The following BRAF variants were observed in gnomAD, a reference collection of about 807,000 sequenced individuals.
BRAF encodes B-Raf proto-oncogene, serine/threonine kinase.
Under a neutral mutation model 104.6 loss-of-function variants are expected in BRAF, and 16 were observed. The observed-to-expected ratio is 0.15, with a 90% CI of 0.10 to 0.23. BRAF has a LOEUF of 0.23. BRAF is among the 10% of genes least tolerant of loss of function. The probability of loss-of-function intolerance (pLI) is 1.00; values close to 1 mark genes in which losing one functional copy is unlikely to be tolerated. For synonymous variants in BRAF, 310 were observed against 341.6 expected (o/e 0.91, Z 1.02); for missense variants, 541 against 937.3 (o/e 0.58, Z 5.52).
intron 11 of BRAF, 90 bp downstream of exon 10, chr7:140,782,931 G>T: frequency 1.4e-6 from 2 of 1,445,036 alleles, no homozygotes; most frequent in Non-Finnish European, 1.9e-6. Flanking sequence ...GTCACATATG[G>T]ACATAATATA....
At chr7:140,918,769 A>C (rs1490992661) in intron 1 of BRAF, among the ~76,000 whole-genome samples, 2 of 152,242 alleles carry the variant, frequency 1.3e-5, no homozygotes. Context: ...CCTATGTGCC[A>C]GGTACTATTA....
At chr7:140,869,530 G>A (rs903949907) in intron 1 of BRAF, among the ~76,000 whole-genome samples, 2 of 152,044 alleles carry the variant, frequency 1.3e-5, no homozygotes, top group African/African-American at 4.8e-5. Context: ...CTACTCAGGA[G>A]GCTGAGGCAT....
At chr7:140,870,162 A>G (rs559530913) in intron 1 of BRAF, among the ~76,000 whole-genome samples, 33 of 152,318 alleles carry the variant, frequency 2.2e-4, no homozygotes, top group Admixed American at 5.2e-4. Context: ...CCAGATGCAG[A>G]GCACTTAGAT....
At chr7:140,922,256 C>T (rs1402386951) in intron 1 of BRAF, among the ~76,000 whole-genome samples, 1 of 152,188 alleles carries the variant, frequency 6.6e-6, no homozygotes, top group Admixed American at 6.5e-5. Context: ...TTTCCAATTA[C>T]TGGCAATTTA....
intron 17 of BRAF, chr7:140,740,287 AT>A (rs545469313): frequency 4.6e-4 from 95 of 207,862 alleles, no homozygotes; most frequent in African/African-American, 1.9e-3. Context: ...AAAAAAAAAA[AT>A]TTATTCAGCA....
At chr7:140,897,493 CTTTTTTTTTTTT>C (rs1177553423) in intron 1 of BRAF, among the ~76,000 whole-genome samples, 4 of 105,760 alleles carry the variant, frequency 3.8e-5, no homozygotes, top group African/African-American at 1.7e-4. Flanking sequence ...TTTCTTTTTT[CTTTTTTTTTTTT>C]TTTTTTTTTG....
chr7:140,719,359 T>C lies in BRAF; in HGVS notation c.*7135A>G, dbSNP rs1468705781. ...TTCTCCATGCAGTCAATCTTTATTATAGCAGTATTCGCATATTCACATCAA... is the reference window on the plus strand; with the variant it reads ...TTCTCCATGCAGTCAATCTTTATTACAGCAGTATTCGCATATTCACATCAA... On this transcript the variant is annotated 3_prime_UTR_variant, in exon 20 of 20. Transcript: ENST00000644969. 6.0e-6 allele frequency: 6 copies of C among 997,724 alleles called. No homozygotes were observed. The highest frequency in any genetic ancestry group is 1.7e-5 in the African/African-American group (1 of 58,100). The allele number at this position is 997,724 out of a possible 1,614,324, so 61.8% of individuals were successfully genotyped here.
In BRAF at chr7:140,726,301, G is replaced by A; in HGVS notation, c.*193C>T. On this transcript the variant is annotated 3_prime_UTR_variant, in exon 20 of 20. Coordinates refer to ENST00000644969, the MANE Select transcript of BRAF (RefSeq NM_001374258.1). ...TTTTGTTGAAGAAACACTGGCAGCA[G>A]AGAATTCTGGTTCCTAAAACATTCT... 1 of 1,420,204 alleles carries A rather than the reference G, an allele frequency of 7.0e-7. No individual in the cohort carries two copies. The highest frequency in any genetic ancestry group is 9.1e-7 in the Non-Finnish European group (1 of 1,094,856). The allele number at this position is 1,420,204 out of a possible 1,614,324, so 88.0% of individuals were successfully genotyped here.
chr7:140,725,152 C>T lies in BRAF; in HGVS notation c.*1342G>A. 4 of 1,042,842 alleles carry T rather than the reference C, an allele frequency of 3.8e-6. No homozygotes were observed. Among genetic ancestry groups the T allele is most frequent in the Non-Finnish European group, 4.6e-6 (4 of 865,108 alleles). The allele number at this position is 1,042,842 out of a possible 1,614,324, so 64.6% of individuals were successfully genotyped here. ...GAAGAAGGAGAATGAATGGAGACGC[C>T]ACCATTTTTATTTTAGGTTGCATAT... On this transcript the variant is annotated 3_prime_UTR_variant, in exon 20 of 20. Transcript: ENST00000644969.
At chr7:140,851,898 G>T (rs181513875) in intron 1 of BRAF, among the ~76,000 whole-genome samples, 2 of 152,250 alleles carry the variant, frequency 1.3e-5, no homozygotes, top group East Asian at 3.9e-4. Context: ...CTATTGAGTT[G>T]TTTGTTTTTT....
In BRAF at chr7:140,882,499, A is replaced by G. The variant is rs546859944; in HGVS notation, c.139-32287T>C. Among the ~76,000 whole-genome samples the G allele has an allele frequency of 1.1e-4, 16 of 149,686 alleles. No individual in the cohort carries two copies. The South Asian group carries it at 1.5e-3, about 14-fold the overall frequency. On this transcript the variant is annotated intron_variant, in intron 1 of 19. Transcript: ENST00000644969. ...TTCAAGCAATTCTCCTTGAATTGCC[A>G]CCCAAGTAGCTGGGACTACAGGCGC... is the stretch of plus-strand genomic sequence containing the variant.
At chr7:140,844,707 C>T (rs1330800151) in intron 2 of BRAF, among the ~76,000 whole-genome samples, 1 of 152,194 alleles carries the variant, frequency 6.6e-6, no homozygotes, top group African/African-American at 2.4e-5. Context: ...AGGTGGATCA[C>T]TTGAGGTCAG....
chr7:140,879,243 G>A (rs947265122), intron 1 of BRAF, among the ~76,000 whole-genome samples: 3 of 151,216 alleles, frequency 2.0e-5, no homozygotes, highest in South Asian at 4.2e-4. Context: ...GTACAATGGC[G>A]GGATCTCTGC....
intron 1 of BRAF, among the ~76,000 whole-genome samples, chr7:140,862,477 G>T (rs867388357): frequency 6.6e-6 from 1 of 152,184 alleles, no homozygotes; most frequent in African/African-American, 2.4e-5. Flanking sequence ...AAAATATTTG[G>T]AGTTAAAAAC....
chr7:140,814,937 CATTA>C (rs1207825662), intron 3 of BRAF, among the ~76,000 whole-genome samples: 1 of 150,578 alleles, frequency 6.6e-6, no homozygotes, highest in Non-Finnish European at 1.5e-5. Context: ...TGAGATAGTA[CATTA>C]ATTTGGTAGT....
At chr7:140,883,488 ACTG>A (rs1813178340) in intron 1 of BRAF, among the ~76,000 whole-genome samples, 1 of 152,220 alleles carries the variant, frequency 6.6e-6, no homozygotes, top group East Asian at 1.9e-4. Flanking sequence ...AATGTGAGGC[ACTG>A]CTGTAGTGCC....
At chr7:140,761,374 A>G (rs944877360) in intron 14 of BRAF, among the ~76,000 whole-genome samples, 1 of 152,214 alleles carries the variant, frequency 6.6e-6, no homozygotes, top group African/African-American at 2.4e-5. Flanking sequence ...GCCCTAAAAG[A>G]ACTCCTGAAG....
intron 1 of BRAF, among the ~76,000 whole-genome samples, chr7:140,902,531 G>C (rs779237366): frequency 1.3e-5 from 2 of 152,196 alleles, no homozygotes; most frequent in Non-Finnish European, 2.9e-5. Context: ...AGTGAAGAAG[G>C]CATGTTGAAA....
chr7:140,775,440 C>T (rs533132966), intron 14 of BRAF, among the ~76,000 whole-genome samples: 102 of 152,024 alleles, frequency 6.7e-4, no homozygotes, highest in South Asian at 1.5e-3. Context: ...CTCTGCCTCC[C>T]GGGTTCAAGT....
Sources: gnomAD v4.1 joint callset for allele counts (sites outside exome capture counted in the v4.1 genomes callset) on GRCh38, gnomAD v4.1.1 for gene constraint, MANE v1.5 for transcripts, NCBI Gene and HGNC (gene_info 2026-07-23, HGNC 2026-07-21) for gene names.